The following HCN1 variants were observed in gnomAD, a reference collection of about 807,000 sequenced individuals.
HCN1 encodes the protein potassium/sodium hyperpolarization-activated cyclic nucleotide-gated channel 1.
Under a neutral mutation model 78.9 loss-of-function variants are expected in HCN1, and 13 were observed. The ratio of observed to expected loss-of-function variants is 0.16; its 90% CI spans 0.11 to 0.26. HCN1 has a LOEUF of 0.26. HCN1 is among the 10% of genes least tolerant of loss of function. The pLI, the probability that HCN1 is intolerant of heterozygous loss-of-function variation, is 1.00. For missense variants in HCN1, 810 were observed against 1,154.3 expected (o/e 0.70, Z 4.32); for synonymous variants, 552 against 455.5 (o/e 1.21, Z -2.70).
intron 4 of HCN1, among the ~76,000 whole-genome samples, chr5:45,368,834 A>AT (rs1011537550): frequency 5.3e-5 from 8 of 151,984 alleles, no homozygotes; most frequent in African/African-American, 1.7e-4. Flanking sequence ...TAGATGTACT[A>AT]TTTTTTCCAT....
intron 6 of HCN1, among the ~76,000 whole-genome samples, chr5:45,290,559 T>A (rs1383458688): frequency 6.6e-6 from 1 of 152,074 alleles, no homozygotes; most frequent in Non-Finnish European, 1.5e-5. Flanking sequence ...CTTTTGTGTT[T>A]AAAAATTGTA....
chr5:45,425,640 T>A (rs1740330089), intron 3 of HCN1, among the ~76,000 whole-genome samples: 1 of 152,180 alleles, frequency 6.6e-6, no homozygotes, highest in African/African-American at 2.4e-5. Context: ...GACTAAGTAA[T>A]GAAGTAGTTT....
chr5:45,303,931 C>T, intron 5 of HCN1, 92 bp from the exon 6 acceptor site: 1 of 1,100,688 alleles, frequency 9.1e-7, no homozygotes, highest in Admixed American at 1.8e-5. Context: ...TACAGCATAA[C>T]ATTGTAATTT....
At chr5:45,373,259 TTA>T (rs1404858550) in intron 4 of HCN1, among the ~76,000 whole-genome samples, 2 of 119,366 alleles carry the variant, frequency 1.7e-5, no homozygotes, top group Non-Finnish European at 3.2e-5. Flanking sequence ...ATATTTTATA[TTA>T]TATATTATAT....
At chr5:45,681,937 T>C (rs144001055) in intron 1 of HCN1, among the ~76,000 whole-genome samples, 161 of 152,240 alleles carry the variant, frequency 1.1e-3, no homozygotes, top group African/African-American at 3.6e-3. Flanking sequence ...AATTCATGTG[T>C]TGAAGTCCTA....
intron 2 of HCN1, among the ~76,000 whole-genome samples, chr5:45,588,254 A>G (rs1744280108): frequency 6.6e-6 from 1 of 152,144 alleles, no homozygotes; most frequent in Non-Finnish European, 1.5e-5. Context: ...TTCCGGCAAG[A>G]CTACACTAGA....
chr5:45,537,551 T>TTTTTTTTTTTA (rs1742993635), intron 2 of HCN1, among the ~76,000 whole-genome samples: 1 of 133,630 alleles, frequency 7.5e-6, no homozygotes, highest in Non-Finnish European at 1.6e-5. Context: ...TTTTTTTTTT[T>TTTTTTTTTTTA]TTTTTGAGAC....
chr5:45,277,339 AATTG>A (rs1745084445), intron 6 of HCN1, among the ~76,000 whole-genome samples: 1 of 152,054 alleles, frequency 6.6e-6, no homozygotes, highest in East Asian at 1.9e-4. Flanking sequence ...AATTTTGGGG[AATTG>A]ATTGATCTAA....
intron 5 of HCN1, among the ~76,000 whole-genome samples, chr5:45,351,136 C>G (rs915055541): frequency 1.9e-4 from 29 of 152,180 alleles, no homozygotes; most frequent in African/African-American, 6.0e-4. Context: ...TACTACAAGT[C>G]TACAGTAACC....
At chr5:45,599,230 TA>T (rs1048445965) in intron 2 of HCN1, among the ~76,000 whole-genome samples, 42 of 152,156 alleles carry the variant, frequency 2.8e-4, no homozygotes, top group African/African-American at 9.4e-4. Context: ...TATGCAGCCA[TA>T]AAAAAGGATG....
chr5:45,690,586 C>T (rs1167282951), intron 1 of HCN1, among the ~76,000 whole-genome samples: 2 of 151,278 alleles, frequency 1.3e-5, no homozygotes, highest in Non-Finnish European at 1.5e-5. Flanking sequence ...ATTTTTTTTT[C>T]CTGTAAAACT....
intron 2 of HCN1, among the ~76,000 whole-genome samples, chr5:45,579,302 T>G (rs1359221930): frequency 6.6e-6 from 1 of 152,094 alleles, no homozygotes; most frequent in East Asian, 1.9e-4. Context: ...TATACCAAGC[T>G]GTAGGTACAA....
intron 5 of HCN1, among the ~76,000 whole-genome samples, chr5:45,339,997 C>A (rs958544740): frequency 6.6e-6 from 1 of 152,166 alleles, no homozygotes; most frequent in African/African-American, 2.4e-5. Flanking sequence ...TGGCCCACTG[C>A]AACCAGTGCC....
In HCN1 at chr5:45,695,978, A is replaced by T; in HGVS notation, c.116T>A (p.Leu39Gln). 1 of 1,317,214 alleles carries T rather than the reference A, an allele frequency of 7.6e-7. No individual in the cohort carries two copies. The highest frequency in any genetic ancestry group is 9.6e-7 in the Non-Finnish European group (1 of 1,036,790). 81.6% of individuals were successfully genotyped at this position (1,317,214 alleles called of 1,614,324 possible). A position where few individuals can be genotyped will look rare whatever the true frequency, so the allele number is the denominator to read the frequency against. Residue 39 changes from leucine to glutamine, a missense_variant, in exon 1 of 8, where the codon CTG becomes CAG. By Grantham distance (113) the Leu-to-Gln change is moderately radical. Around this residue, in one of 6 missense-constraint regions of HCN1, gnomAD observed 170 missense variants for 166.8 expected, o/e 1.02. Coordinates refer to ENST00000303230, the MANE Select transcript of HCN1 (RefSeq NM_021072.4). ...GAGPAAAEKR[L>Q]GTPPGGGGAG... ...CCCGCCGCCCCCCGGCGGGGTGCCC[A>T]GGCGCTTCTCGGCCGCGGCCGGCCC...
At chr5:45,327,360 G>A (rs1341055988) in intron 5 of HCN1, among the ~76,000 whole-genome samples, 1 of 151,570 alleles carries the variant, frequency 6.6e-6, no homozygotes, top group Non-Finnish European at 1.5e-5. Flanking sequence ...AAAATGACTT[G>A]GAGAATTTGG....
At chr5:45,534,148 A>G (rs1316387962) in intron 2 of HCN1, among the ~76,000 whole-genome samples, 3 of 151,630 alleles carry the variant, frequency 2.0e-5, no homozygotes, top group African/African-American at 7.3e-5. Context: ...GTAATCCCAG[A>G]ACTTTGGGAG....
intron 2 of HCN1, among the ~76,000 whole-genome samples, chr5:45,591,990 AG>A (rs1163285404): frequency 1.3e-5 from 2 of 150,470 alleles, no homozygotes; most frequent in African/African-American, 5.0e-5. Flanking sequence ...GTGTCTAGAT[AG>A]ATTATTTTTT....
At chr5:45,539,361 T>C (rs1355350052) in intron 2 of HCN1, among the ~76,000 whole-genome samples, 1 of 151,090 alleles carries the variant, frequency 6.6e-6, no homozygotes, top group African/African-American at 2.4e-5. Context: ...AAATAAAATA[T>C]TATTAAATAT....
intron 2 of HCN1, among the ~76,000 whole-genome samples, chr5:45,628,658 CT>C (rs1745216544): frequency 1.3e-5 from 2 of 152,066 alleles, no homozygotes; most frequent in African/African-American, 4.8e-5. Flanking sequence ...CTACAAAAAG[CT>C]CACTTGAAAC....
Sources: allele counts gnomAD v4.1 joint callset (sites outside exome capture counted in the v4.1 genomes callset), GRCh38; gene constraint gnomAD v4.1.1; regional missense constraint gnomAD v4.1.1; transcripts MANE v1.5; gene names NCBI Gene and HGNC (gene_info 2026-07-23, HGNC 2026-07-21).